Variants in COX10 observed in about 807,000 individuals in gnomAD.
COX10 encodes cytochrome c oxidase assembly factor heme A:farnesyltransferase COX10.
Under a neutral mutation model 37.3 loss-of-function variants are expected in COX10, and 27 were observed. That is an observed-to-expected ratio of 0.72 (90% CI 0.53 to 1.00). The LOEUF (loss-of-function observed/expected upper bound fraction) is 1.00. Among genes scored for constraint, COX10 ranks in the 50% least tolerant of loss-of-function variants. The pLI is 0.00. For synonymous variants in COX10, 222 were observed against 229.1 expected, an observed-to-expected ratio of 0.97 and a Z score of 0.28; for missense variants, 475 against 563.2, an observed-to-expected ratio of 0.84 and a Z score of 1.59.
At chr17:14,138,645 G>A (rs1025682843) in intron 4 of COX10, among the ~76,000 whole-genome samples, 3 of 152,142 alleles carry the variant, frequency 2.0e-5, no homozygotes, top group South Asian at 2.1e-4. Flanking sequence ...CATTTTGGAC[G>A]TATGGTATTC....
chr17:14,104,099 G>A (rs1222470595), intron 4 of COX10, among the ~76,000 whole-genome samples: 1 of 152,096 alleles, frequency 6.6e-6, no homozygotes. Context: ...CCTGAGTGAC[G>A]TGAGTTCCTC....
chr17:14,078,446 G>A (rs1915205539), intron 3 of COX10, among the ~76,000 whole-genome samples: 3 of 152,032 alleles, frequency 2.0e-5, no homozygotes, highest in Non-Finnish European at 2.9e-5. Flanking sequence ...AGCATTCTTC[G>A]CTTCCTTCAG....
Position 14,207,140 on chromosome 17 carries a change from C to CGCTGCT in COX10, c.1269_1274dup (p.Leu424_Leu425dup). 1.2e-6 allele frequency: 2 copies of CGCTGCT among 1,613,334 alleles called. No individual in the cohort carries two copies. The highest frequency in any genetic ancestry group is 1.7e-6 in the Non-Finnish European group (2 of 1,179,826). On this transcript the variant is annotated inframe_insertion, in exon 7 of 7. Transcript: ENST00000261643. ...TTCTTCTGCAGCCTGTGGCACCTGC[C>CGCTGCT]GCTGCTGCTGCTGCTCATGCTCACC...
At chr17:14,152,004 A>G (rs1407164589) in intron 4 of COX10, among the ~76,000 whole-genome samples, 2 of 152,220 alleles carry the variant, frequency 1.3e-5, no homozygotes, top group Non-Finnish European at 2.9e-5. Context: ...ATTAAGAATT[A>G]TGAATTCACA....
rs1451546109 is a variant in COX10, at chr17:14,208,202, A to T, written c.*989A>T. The stretch of plus-strand genomic sequence containing the variant: ...CTCCTGAATTCAGAAATTAGCCTCC[A>T]CATGTGCAATGGCTTTAAGAGCCAG... On this transcript the variant is annotated 3_prime_UTR_variant, in exon 7 of 7. Transcript: ENST00000261643. 6.6e-6 allele frequency: 1 copy of T among 152,252 alleles called. No homozygotes were observed. The highest frequency in any genetic ancestry group is 1.5e-5 in the Non-Finnish European group (1 of 68,046). The allele number at this position is 152,252 out of a possible 1,614,324, so 9.4% of individuals were successfully genotyped here. A position where few individuals can be genotyped will look rare whatever the true frequency, so the allele number is the denominator to read the frequency against.
chr17:14,080,675 TC>T (rs1412004144), intron 3 of COX10, among the ~76,000 whole-genome samples: 16 of 152,248 alleles, frequency 1.1e-4, no homozygotes, highest in African/African-American at 3.9e-4. Context: ...TTGTGGTTTT[TC>T]TTCTGTTATT....
In COX10 at chr17:14,082,117, A is replaced by C. The variant is rs148930279; in HGVS notation, c.499+5061A>C. ...GTAGTAAATGATGTTACCAAGGATCAGTGTGTACAGTGACCATGCTGATGG... is the reference window on the plus strand; with the variant it reads ...GTAGTAAATGATGTTACCAAGGATCCGTGTGTACAGTGACCATGCTGATGG... On this transcript the variant is annotated intron_variant, in intron 3 of 6. Coordinates refer to ENST00000261643, the MANE Select transcript of COX10 (RefSeq NM_001303.4). 2.9e-4 allele frequency among the ~76,000 whole-genome samples: 44 copies of C among 152,328 alleles called. No individual in the cohort carries two copies. The East Asian group carries it at 7.7e-3, about 27-fold the overall frequency.
chr17:14,076,834 A>G lies in COX10; in HGVS notation c.277A>G (p.Lys93Glu). ...FLEKTSSGQAKAEIYEMRPLS... is the reference protein window; with the variant it reads ...FLEKTSSGQAEAEIYEMRPLS... ...TGAAAAAACATCTTCAGGTCAAGCCAAAGCAGAAATATATGAGATGAGACC... is the reference window on the plus strand; with the variant it reads ...TGAAAAAACATCTTCAGGTCAAGCCGAAGCAGAAATATATGAGATGAGACC... Residue 93 changes from lysine to glutamate, a missense_variant, in exon 3 of 7, where the codon AAA becomes GAA. By Grantham distance (56) the Lys-to-Glu change is moderately conservative (BLOSUM62 1). This residue lies in a region of COX10 where 242 missense variants were observed against 242.5 expected (regional missense o/e 1.00). Transcript: ENST00000261643. The G allele has an allele frequency of 6.2e-7, 1 of 1,614,204 alleles. No homozygotes were observed.
chr17:14,167,892 C>T (rs747826716), intron 5 of COX10, among the ~76,000 whole-genome samples: 6 of 152,196 alleles, frequency 3.9e-5, no homozygotes, highest in Non-Finnish European at 7.3e-5. Context: ...CCACCCCTGG[C>T]TCCTCCCAAA....
At chr17:14,111,787 T>C (rs1055053113) in intron 4 of COX10, among the ~76,000 whole-genome samples, 7 of 152,086 alleles carry the variant, frequency 4.6e-5, no homozygotes, top group Admixed American at 2.6e-4. Context: ...AAGGATTAAA[T>C]AGTACAGTGT....
At chr17:14,100,247 C>T (rs1310563360) in intron 3 of COX10, among the ~76,000 whole-genome samples, 1 of 152,178 alleles carries the variant, frequency 6.6e-6, no homozygotes, top group Non-Finnish European at 1.5e-5. Context: ...GCTTGCTATT[C>T]TGCAGTCTGA....
rs745461778 is a variant in COX10, at chr17:14,077,037, A to G, written c.480A>G (p.Leu160=). The change falls in exon 3 of 7, where the codon CTA becomes CTG. Residue 160 remains leucine (L), a synonymous_variant. Transcript: ENST00000261643. ...ATTTGCCAGGAATTTTGGCTCGACT[A>G]TCCAAAATCAAACTCACAGGTACTT... ...VYDLPGILAR[L]SKIKLTALVV... is the part of the protein sequence containing the mutation. The G allele has an allele frequency of 1.6e-5, 26 of 1,614,002 alleles. 1 individual carries two copies.
intron 3 of COX10, among the ~76,000 whole-genome samples, chr17:14,091,199 A>T (rs1281591164): frequency 6.6e-6 from 1 of 152,086 alleles, no homozygotes; most frequent in East Asian, 1.9e-4. Flanking sequence ...GCGATTTTGT[A>T]TTCAGGATAA....
At chr17:14,144,147 A>T (rs1296579795) in intron 4 of COX10, among the ~76,000 whole-genome samples, 2 of 152,126 alleles carry the variant, frequency 1.3e-5, no homozygotes, top group Non-Finnish European at 2.9e-5. Flanking sequence ...GACCAGATGT[A>T]TATTATAACT....
At chr17:14,073,746 G>A (rs1298151145) in intron 1 of COX10, among the ~76,000 whole-genome samples, 4 of 152,194 alleles carry the variant, frequency 2.6e-5, no homozygotes, top group African/African-American at 9.6e-5. Flanking sequence ...AGTAGGAGGA[G>A]GACCAAGGCA....
intron 4 of COX10, among the ~76,000 whole-genome samples, chr17:14,124,374 T>A (rs1916290649): frequency 6.6e-6 from 1 of 152,154 alleles, no homozygotes; most frequent in Non-Finnish European, 1.5e-5. Context: ...CTAAGCATAT[T>A]ACACAGTAAG....
chr17:14,206,930 C>G lies in COX10; in HGVS notation c.1049C>G (p.Pro350Arg). 6.2e-7 allele frequency: 1 copy of G among 1,613,712 alleles called. No individual in the cohort carries two copies. Among genetic ancestry groups the G allele is most frequent in the African/African-American group, 1.3e-5 (1 of 75,062 alleles). ...TACTGCATGATGTCGGTCACCCACC[C>G]GGGCCTGTGCCGGCGCGTGGCGCTG... Reference protein sequence around the residue: ...GGYCMMSVTHPGLCRRVALRH... With the variant: ...GGYCMMSVTHRGLCRRVALRH... Residue 350 changes from proline (P) to arginine (R), a missense_variant, in exon 7 of 7, where the codon CCG (proline) becomes CGG (arginine). By Grantham distance (103) the Pro-to-Arg change is moderately radical. Around this residue, in one of 5 missense-constraint regions of COX10, gnomAD observed 160 missense variants for 180.6 expected, o/e 0.89. Coordinates refer to ENST00000261643, the MANE Select transcript of COX10 (RefSeq NM_001303.4).
At chr17:14,128,053 C>CTT (rs200354926) in intron 4 of COX10, among the ~76,000 whole-genome samples, 1 of 149,374 alleles carries the variant, frequency 6.7e-6, no homozygotes, top group African/African-American at 2.5e-5. Context: ...TCTGATTTAT[C>CTT]TTTTTTTTTA....
chr17:14,101,575 C>T (rs3785688), intron 3 of COX10, among the ~76,000 whole-genome samples: 27,517 of 152,092 alleles, frequency 0.18, 2,558 homozygotes, highest in East Asian at 0.21. Flanking sequence ...TTGGTTCCTG[C>T]TGGTGGCTTG....
Sources: gnomAD v4.1 joint callset for allele counts (sites outside exome capture counted in the v4.1 genomes callset) on GRCh38, gnomAD v4.1.1 for gene constraint, gnomAD v4.1.1 regional missense constraint, MANE v1.5 for transcripts, NCBI Gene and HGNC (gene_info 2026-07-23, HGNC 2026-07-21) for gene names.